The following GHR variants were observed in gnomAD, a reference collection of about 807,000 sequenced individuals.
GHR encodes the protein growth hormone receptor.
Under a neutral mutation model 67.1 loss-of-function variants are expected in GHR, and 35 were observed. That is an observed-to-expected ratio of 0.52 (90% CI 0.40 to 0.69). GHR has a LOEUF of 0.69. GHR is among the 30% of genes least tolerant of loss of function. The pLI is 0.00. For missense variants in GHR, 792 were observed against 764.6 expected (o/e 1.04, Z -0.42); for synonymous variants, 272 against 269.1 (o/e 1.01, Z -0.10).
rs1754192923 is a variant in GHR, at chr5:42,636,367, A to C, written c.136+7264A>C. Among the ~76,000 whole-genome samples, 3 of 152,204 alleles carry C rather than the reference A, an allele frequency of 2.0e-5. No individual in the cohort carries two copies. In the South Asian group the frequency reaches 6.2e-4, roughly 31 times the overall value. ...ATTTTTTAAAGGGATAATTCAAGAC[A>C]AACATTCTTTCACCCTGGGTGACCC... is the stretch of plus-strand genomic sequence containing the variant. On this transcript the variant is annotated intron_variant, in intron 3 of 9. Coordinates refer to ENST00000230882, the MANE Select transcript of GHR (RefSeq NM_000163.5).
chr5:42,681,491 C>T (rs1214108400), intron 3 of GHR, among the ~76,000 whole-genome samples: 3 of 152,142 alleles, frequency 2.0e-5, no homozygotes, highest in African/African-American at 4.8e-5. Context: ...GAAATAGGAA[C>T]GCTTTTACAC....
At chr5:42,631,248 A>G (rs536946499) in intron 3 of GHR, among the ~76,000 whole-genome samples, 1 of 152,312 alleles carries the variant, frequency 6.6e-6, no homozygotes, top group Admixed American at 6.5e-5. Context: ...TCCTGTCTTC[A>G]TGATACGTAA....
At chr5:42,627,268 A>G (rs1753748931) in intron 2 of GHR, among the ~76,000 whole-genome samples, 1 of 152,184 alleles carries the variant, frequency 6.6e-6, no homozygotes, top group South Asian at 2.1e-4. Flanking sequence ...TACAGATAAG[A>G]TTCAAGTTTA....
At chr5:42,446,619 C>T (rs1002056020) in intron 1 of GHR, among the ~76,000 whole-genome samples, 1 of 152,160 alleles carries the variant, frequency 6.6e-6, no homozygotes, top group African/African-American at 2.4e-5. Context: ...GTTTGGAGTG[C>T]ACTGATTGAA....
chr5:42,576,123 TAAAATAAAATAAAATAAAATA>T (rs1750714430), intron 2 of GHR, among the ~76,000 whole-genome samples: 8 of 84,962 alleles, frequency 9.4e-5, no homozygotes, highest in African/African-American at 3.6e-4. Context: ...TAAAATAAAA[TAAAATAAAATAAAATAAAATA>T]GTAAAGTAAA....
intron 1 of GHR, among the ~76,000 whole-genome samples, chr5:42,534,496 A>C (rs1156737703): frequency 7.0e-6 from 1 of 143,060 alleles, no homozygotes; most frequent in Admixed American, 6.9e-5. Context: ...ATATGTATGT[A>C]TATATGTACA....
At chr5:42,512,089 G>A (rs1256114973) in intron 1 of GHR, among the ~76,000 whole-genome samples, 1 of 152,114 alleles carries the variant, frequency 6.6e-6, no homozygotes, top group Non-Finnish European at 1.5e-5. Context: ...CCCTGTGTAT[G>A]GTCAAAAAAT....
chr5:42,643,428 G>T (rs926061368), intron 3 of GHR, among the ~76,000 whole-genome samples: 9 of 152,156 alleles, frequency 5.9e-5, no homozygotes, highest in African/African-American at 1.7e-4. Context: ...ATGACTAAAG[G>T]AATACATGCT....
intron 1 of GHR, among the ~76,000 whole-genome samples, chr5:42,521,530 T>C (rs552458881): frequency 1.1e-3 from 171 of 152,348 alleles, no homozygotes; most frequent in African/African-American, 3.9e-3. Context: ...AAGCTACTCA[T>C]GCTGCAGATC....
chr5:42,718,042 T>G lies in GHR; in HGVS notation c.876-10T>G, dbSNP rs770397954. On this transcript the variant is annotated splice_polypyrimidine_tract_variant and intron_variant, in intron 8 of 9. Transcript: ENST00000230882. Reference sequence around the variant, plus strand: ...AAGATGTCAAAACCAAAATTTTATATGTTTTCAAGGATTAAAATGCTGATT... The same window carrying G: ...AAGATGTCAAAACCAAAATTTTATAGGTTTTCAAGGATTAAAATGCTGATT... 1.3e-6 allele frequency: 2 copies of G among 1,520,822 alleles called. No homozygotes were observed. The highest frequency in any genetic ancestry group is 1.8e-6 in the Non-Finnish European group (2 of 1,095,278). The allele number at this position is 1,520,822 out of a possible 1,614,324, so 94.2% of individuals were successfully genotyped here. A position where few individuals can be genotyped will look rare whatever the true frequency, so the allele number is the denominator to read the frequency against.
chr5:42,711,712 A>G (rs952233827), intron 7 of GHR, among the ~76,000 whole-genome samples: 4 of 152,058 alleles, frequency 2.6e-5, no homozygotes, highest in African/African-American at 9.7e-5. Flanking sequence ...TTTGTTTTGA[A>G]TTTATAATCA....
At chr5:42,429,679 G>C (rs750011885) in intron 1 of GHR, among the ~76,000 whole-genome samples, 5 of 151,994 alleles carry the variant, frequency 3.3e-5, no homozygotes, top group Admixed American at 6.6e-5. Flanking sequence ...ATACTGTGTG[G>C]GTAAATAAAA....
intron 3 of GHR, among the ~76,000 whole-genome samples, chr5:42,679,026 CTT>C (rs1420862274): frequency 1.4e-5 from 2 of 143,294 alleles, no homozygotes; most frequent in African/African-American, 2.6e-5. Flanking sequence ...TTCATATTAA[CTT>C]ATATTAATTT....
At chr5:42,607,995 T>C (rs536682553) in intron 2 of GHR, among the ~76,000 whole-genome samples, 1 of 152,358 alleles carries the variant, frequency 6.6e-6, no homozygotes, top group South Asian at 2.1e-4. Context: ...AGGCTGATTC[T>C]AACTACCTAT....
In GHR at chr5:42,504,743, G is replaced by A. The variant is rs188603984; in HGVS notation, c.-11-61121G>A. ...CACTGCACTCCAGCCTGAGAACGGA[G>A]CGAGATTCCGTCTCAAAATAAAATA... is the stretch of plus-strand genomic sequence containing the variant. On this transcript the variant is annotated intron_variant, in intron 1 of 9. Coordinates refer to ENST00000230882, the MANE Select transcript of GHR (RefSeq NM_000163.5). 3.3e-3 allele frequency among the ~76,000 whole-genome samples: 499 copies of A among 152,220 alleles called. 3 individuals are homozygous for A. Among genetic ancestry groups the A allele is most frequent in the African/African-American group, 0.011 (472 of 41,522 alleles).
At chr5:42,479,701 A>G (rs2112145190) in intron 1 of GHR, among the ~76,000 whole-genome samples, 1 of 152,254 alleles carries the variant, frequency 6.6e-6, no homozygotes, top group East Asian at 1.9e-4. Flanking sequence ...CTCTGATGGT[A>G]GTTTGTATTT....
chr5:42,491,196 T>C (rs1394582430), intron 1 of GHR, among the ~76,000 whole-genome samples: 1 of 152,242 alleles, frequency 6.6e-6, no homozygotes, highest in Non-Finnish European at 1.5e-5. Context: ...TGCAGAAAAT[T>C]GAATCCTGAA....
At chr5:42,642,147 C>T (rs545394254) in intron 3 of GHR, among the ~76,000 whole-genome samples, 7 of 152,076 alleles carry the variant, frequency 4.6e-5, no homozygotes, top group Non-Finnish European at 7.4e-5. Context: ...GATCAGAAGA[C>T]GATTAGAAGG....
chr5:42,679,906 T>C (rs1017700437), intron 3 of GHR, among the ~76,000 whole-genome samples: 1 of 152,110 alleles, frequency 6.6e-6, no homozygotes, highest in Non-Finnish European at 1.5e-5. Context: ...GGAAAAATAA[T>C]GATGTTGAAT....
Sources: gnomAD v4.1 joint callset for allele counts (sites outside exome capture counted in the v4.1 genomes callset) on GRCh38, gnomAD v4.1.1 for gene constraint, MANE v1.5 for transcripts, NCBI Gene and HGNC (gene_info 2026-07-23, HGNC 2026-07-21) for gene names.